The following CYREN variants were observed in gnomAD, a reference collection of about 807,000 sequenced individuals.
CYREN encodes cell cycle regulator of NHEJ, also known as cell cycle regulator of non-homologous end joining.
CYREN carries 7 observed loss-of-function variants against 9.7 expected under a neutral mutation model. The observed-to-expected ratio is 0.72, with a 90% CI of 0.41 to 1.36. The LOEUF (loss-of-function observed/expected upper bound fraction) is 1.36. Among genes scored for constraint, CYREN ranks in the 40% most tolerant of loss-of-function variants. The pLI is 0.01. For missense variants in CYREN, 215 were observed against 198.1 expected (o/e 1.09, Z -0.51); for synonymous variants, 76 against 77.9 (o/e 0.98, Z 0.13).
chr7:135,093,652 G>A (rs1453323995), exon 3 of CYREN: 2 of 152,138 alleles, frequency 1.3e-5, no homozygotes, highest in Non-Finnish European at 2.9e-5. Context: ...TCATGGATCA[G>A]AAGATTTAAT....
At chr7:135,143,040 C>T (rs12707217) in intron 2 of CYREN, among the ~76,000 whole-genome samples, 30,719 of 152,106 alleles carry the variant, frequency 0.2, 4,006 homozygotes, top group East Asian at 0.58. Flanking sequence ...AAGACTGACA[C>T]TACATGCCTT....
chr7:135,131,197 C>G (rs925692036), intron 2 of CYREN, among the ~76,000 whole-genome samples: 1 of 152,122 alleles, frequency 6.6e-6, no homozygotes, highest in Non-Finnish European at 1.5e-5. Flanking sequence ...TCATCTTCAG[C>G]AAACTTAATA....
chr7:135,094,601 G>C (rs772622344), intron 2 of CYREN: 2 of 451,706 alleles, frequency 4.4e-6, no homozygotes, highest in South Asian at 3.1e-5. Flanking sequence ...GGGAGAAGAA[G>C]AGTAAACATT....
chr7:135,139,654 T>C (rs1829417130), intron 2 of CYREN, among the ~76,000 whole-genome samples: 1 of 152,092 alleles, frequency 6.6e-6, no homozygotes, highest in Admixed American at 6.6e-5. Flanking sequence ...CCAGGGCCTA[T>C]GTCCAAAATG....
intron 2 of CYREN, among the ~76,000 whole-genome samples, chr7:135,118,005 A>T (rs1257376041): frequency 6.6e-6 from 1 of 152,196 alleles, no homozygotes; most frequent in African/African-American, 2.4e-5. Flanking sequence ...TTTCCTGTGG[A>T]GAGAGAAAAG....
intron 2 of CYREN, among the ~76,000 whole-genome samples, chr7:135,127,238 T>C (rs1220385194): frequency 6.6e-6 from 1 of 152,196 alleles, no homozygotes; most frequent in Non-Finnish European, 1.5e-5. Context: ...AAAGAAGACA[T>C]TCATGCAGCC....
chr7:135,164,160 G>A (rs1830019407), downstream of CYREN, among the ~76,000 whole-genome samples: 1 of 152,232 alleles, frequency 6.6e-6, no homozygotes, highest in Non-Finnish European at 1.5e-5. Context: ...ACTTCACTCA[G>A]TTTAAGATGT....
At chr7:135,148,564 C>T (rs1298853238) in intron 2 of CYREN, among the ~76,000 whole-genome samples, 1 of 152,220 alleles carries the variant, frequency 6.6e-6, no homozygotes, top group East Asian at 1.9e-4. Flanking sequence ...GGGCTGACTG[C>T]ACACAGCAGA....
At chr7:135,094,721 T>A (rs1396518298) in intron 2 of CYREN, 1 of 350,626 alleles carries the variant, frequency 2.9e-6, no homozygotes, top group Non-Finnish European at 5.6e-6. Flanking sequence ...TTATTCAGAA[T>A]AGGAATTGCA....
At chr7:135,139,527 G>T (rs748534058) in intron 2 of CYREN, among the ~76,000 whole-genome samples, 1 of 151,632 alleles carries the variant, frequency 6.6e-6, no homozygotes, top group Non-Finnish European at 1.5e-5. Context: ...TCTATAGGCT[G>T]TTTACTGTGC....
At chr7:135,132,945 TA>T (rs2117357522) in intron 2 of CYREN, among the ~76,000 whole-genome samples, 1 of 151,918 alleles carries the variant, frequency 6.6e-6, no homozygotes, top group East Asian at 1.9e-4. Flanking sequence ...AATAAGGCAA[TA>T]AAAAAATAAA....
chr7:135,128,962 G>C, intron 2 of CYREN: 1 of 1,580,848 alleles, frequency 6.3e-7, no homozygotes, highest in Non-Finnish European at 8.7e-7. Context: ...GGTAGTGAAT[G>C]CATGTACTTC....
chr7:135,166,509 C>G lies in CYREN; in HGVS notation c.*102G>C. 2.0e-6 allele frequency: 3 copies of G among 1,498,094 alleles called. No individual in the cohort carries two copies. Among genetic ancestry groups the G allele is most frequent in the Non-Finnish European group, 2.7e-6 (3 of 1,129,496 alleles). The allele number at this position is 1,498,094 out of a possible 1,614,324, so 92.8% of individuals were successfully genotyped here. A position where few individuals can be genotyped will look rare whatever the true frequency, so the allele number is the denominator to read the frequency against. The stretch of plus-strand genomic sequence containing the variant: ...CCAAGAAGGCACAAAGGTAGGAGCA[C>G]AGAGAGCCCCATTCCCACAGGCGGG... On this transcript the variant is annotated 3_prime_UTR_variant, in exon 4 of 4. Transcript: ENST00000393114.
In CYREN at chr7:135,165,845, T is replaced by G. The variant is rs1352265644; in HGVS notation, c.*766A>C. ...TATTGGAAAACCTGTATGGCAGTGA[T>G]TTATTCATATATTCCTGTCCAAAGC... On this transcript the variant is annotated 3_prime_UTR_variant, in exon 4 of 4. Transcript: ENST00000393114. The G allele has an allele frequency of 1.2e-5, 2 of 167,142 alleles. No individual in the cohort carries two copies. Among genetic ancestry groups the G allele is most frequent in the African/African-American group, 2.4e-5 (1 of 41,458 alleles). 10.4% of individuals were successfully genotyped at this position (167,142 alleles called of 1,614,324 possible).
downstream of CYREN, among the ~76,000 whole-genome samples, chr7:135,162,651 TG>T (rs886619571): frequency 6.6e-6 from 1 of 152,150 alleles, no homozygotes; most frequent in African/African-American, 2.4e-5. Flanking sequence ...GAGTACAGTA[TG>T]GGGGAAACCC....
At chr7:135,122,834 GCAA>G (rs1827331810) in intron 2 of CYREN, among the ~76,000 whole-genome samples, 1 of 152,018 alleles carries the variant, frequency 6.6e-6, no homozygotes, top group African/African-American at 2.4e-5. Flanking sequence ...CAAATAGAAA[GCAA>G]CAACAACAGT....
At chr7:135,150,036 T>C (rs1829631914) in intron 2 of CYREN, among the ~76,000 whole-genome samples, 1 of 152,198 alleles carries the variant, frequency 6.6e-6, no homozygotes, top group African/African-American at 2.4e-5. Context: ...GCTCTTAAGT[T>C]CCAAATTTTA....
intron 2 of CYREN, among the ~76,000 whole-genome samples, chr7:135,118,965 A>G (rs1382465684): frequency 6.6e-6 from 1 of 152,152 alleles, no homozygotes; most frequent in Non-Finnish European, 1.5e-5. Flanking sequence ...AAATTACCCA[A>G]CTGAACATAA....
intron 2 of CYREN, among the ~76,000 whole-genome samples, chr7:135,133,234 T>C (rs891948105): frequency 3.3e-5 from 5 of 152,304 alleles, no homozygotes; most frequent in Admixed American, 1.3e-4. Context: ...TACTTGGTTT[T>C]ACAGGGTTTC....
Sources: gnomAD v4.1 joint callset for allele counts (sites outside exome capture counted in the v4.1 genomes callset) on GRCh38, gnomAD v4.1.1 for gene constraint, MANE v1.5 for transcripts, NCBI Gene and HGNC (gene_info 2026-07-23, HGNC 2026-07-21) for gene names.